ANKRD18A: variants seen among roughly 807,000 people sequenced by gnomAD.
ANKRD18A encodes ankyrin repeat domain 18A.
In ANKRD18A, 72 loss-of-function variants were observed where a neutral mutation model predicts 110.6. The ratio of observed to expected loss-of-function variants is 0.65; its 90% CI spans 0.54 to 0.79. The LOEUF (loss-of-function observed/expected upper bound fraction) is 0.79, where lower values mean the gene tolerates loss of function less well. ANKRD18A is among the 30% of genes least tolerant of loss of function. The pLI is 0.00. For missense variants in ANKRD18A, 934 were observed against 1,163.3 expected (o/e 0.80, Z 2.87); for synonymous variants, 305 against 410.3 (o/e 0.74, Z 3.10).
intron 12 of ANKRD18A, among the ~76,000 whole-genome samples, chr9:38,583,967 A>G (rs1824267971): frequency 6.6e-6 from 1 of 152,256 alleles, no homozygotes. Flanking sequence ...TGGACTTGCC[A>G]GCAGCAGACT....
chr9:38,617,255 C>A (rs1587550958), intron 1 of ANKRD18A, among the ~76,000 whole-genome samples: 1 of 152,152 alleles, frequency 6.6e-6, no homozygotes, highest in African/African-American at 2.4e-5. Flanking sequence ...GCCTGGCCAA[C>A]ATAGTGAAAC....
downstream of ANKRD18A, chr9:38,571,067 C>T: frequency 1.4e-6 from 2 of 1,451,216 alleles, no homozygotes; most frequent in South Asian, 2.8e-5. Context: ...GAGCCAGGGA[C>T]CACATGAGGA....
At chr9:38,582,444 T>C (rs1442575059) in intron 12 of ANKRD18A, among the ~76,000 whole-genome samples, 1 of 152,154 alleles carries the variant, frequency 6.6e-6, no homozygotes, top group African/African-American at 2.4e-5. Flanking sequence ...ACTGGTAATA[T>C]GCAACATGAT....
chr9:38,603,350 C>T, intron 6 of ANKRD18A, 138 bp from the exon 7 acceptor site: 2 of 1,224,344 alleles, frequency 1.6e-6, no homozygotes, highest in Non-Finnish European at 2.3e-6. Flanking sequence ...CACTCATCAC[C>T]ACAAATTTAA....
rs1288728145 is a variant in ANKRD18A, at chr9:38,607,441, G to A, written c.793C>T (p.Arg265Ter). The A allele has an allele frequency of 7.5e-5, 113 of 1,500,628 alleles. No individual in the cohort carries two copies. Among genetic ancestry groups the A allele is most frequent in the Non-Finnish European group, 8.9e-5 (100 of 1,120,904 alleles). 93.0% of individuals were successfully genotyped at this position (1,500,628 alleles called of 1,614,324 possible). Residue 265 changes from arginine (R) to a stop codon, truncating the protein, a stop_gained, in exon 6 of 16, where the codon CGA (arginine) becomes TGA (stop). Coordinates refer to ENST00000399703, the MANE Select transcript of ANKRD18A (RefSeq NM_147195.4). LOFTEE classifies it high-confidence loss of function. Reference sequence around the variant, plus strand: ...GAAGTCTTACCTTGATTGTCATTTCGAAGATGATTTTTAAGCATTTTATTT... The same window carrying A: ...GAAGTCTTACCTTGATTGTCATTTCAAAGATGATTTTTAAGCATTTTATTT... The part of the protein sequence containing the change: ...HKNKMLKNHL[R>*]NDNQETAAMK...
intron 3 of ANKRD18A, among the ~76,000 whole-genome samples, chr9:38,612,521 C>T (rs10973932): frequency 7.2e-4 from 89 of 124,280 alleles, no homozygotes; most frequent in Middle Eastern, 4.5e-3. Context: ...TTTTCTTTTT[C>T]TTTTTTTTTT....
At chr9:38,570,524 C>A (rs562393333), downstream of ANKRD18A, among the ~76,000 whole-genome samples, 1 of 152,364 alleles carries the variant, frequency 6.6e-6, no homozygotes, top group East Asian at 1.9e-4. Context: ...ATGACTAGGT[C>A]ACAAGATACC....
At chr9:38,616,079 T>G in intron 1 of ANKRD18A, 35 bp from the exon 2 acceptor site, 9 of 1,474,638 alleles carry the variant, frequency 6.1e-6, no homozygotes, top group African/African-American at 1.4e-5. Flanking sequence ...GGAAATGTAG[T>G]GCAATATCTC....
chr9:38,612,859 A>G (rs933495440), intron 3 of ANKRD18A, among the ~76,000 whole-genome samples: 12 of 151,964 alleles, frequency 7.9e-5, no homozygotes, highest in African/African-American at 2.9e-4. Context: ...AGAAAGATAT[A>G]ATGTCTGCAA....
chr9:38,589,180 C>A (rs940646004), intron 10 of ANKRD18A, among the ~76,000 whole-genome samples: 5 of 152,116 alleles, frequency 3.3e-5, no homozygotes, highest in African/African-American at 1.2e-4. Context: ...GTCTATTAAC[C>A]ATTTCTCTTT....
chr9:38,612,521 CTT>C (rs767816627), intron 3 of ANKRD18A, among the ~76,000 whole-genome samples: 6 of 124,242 alleles, frequency 4.8e-5, no homozygotes, highest in Admixed American at 3.4e-4. Flanking sequence ...TTTTCTTTTT[CTT>C]TTTTTTTTTT....
At chr9:38,610,655 A>C (rs1825576749) in intron 4 of ANKRD18A, among the ~76,000 whole-genome samples, 2 of 152,170 alleles carry the variant, frequency 1.3e-5, no homozygotes, top group South Asian at 4.1e-4. Flanking sequence ...GACGTAATAC[A>C]AATTGCTAAT....
At chr9:38,567,635 TG>T (rs769914724), downstream of ANKRD18A, 1 of 152,478 alleles carries the variant, frequency 6.6e-6, no homozygotes, top group Non-Finnish European at 1.5e-5. Context: ...TGTATGTGGA[TG>T]ATGTCCAGGA....
chr9:38,597,006 G>A (rs1401285124), intron 8 of ANKRD18A, among the ~76,000 whole-genome samples: 1 of 152,098 alleles, frequency 6.6e-6, no homozygotes, highest in Non-Finnish European at 1.5e-5. Context: ...AAAAAAGACA[G>A]GTTAAAAATA....
At chr9:38,569,795 T>G (rs1823574778), downstream of ANKRD18A, among the ~76,000 whole-genome samples, 1 of 152,022 alleles carries the variant, frequency 6.6e-6, no homozygotes, top group Non-Finnish European at 1.5e-5. Flanking sequence ...CCACAGGTGC[T>G]CCCCAATTTC....
downstream of ANKRD18A, chr9:38,569,100 G>C: frequency 1.0e-6 from 1 of 985,418 alleles, no homozygotes; most frequent in Non-Finnish European, 1.2e-6. Context: ...ACCCACCAAG[G>C]GGGGTCAGAT....
intron 10 of ANKRD18A, among the ~76,000 whole-genome samples, chr9:38,590,078 T>C (rs1824572933): frequency 6.6e-6 from 1 of 152,172 alleles, no homozygotes; most frequent in South Asian, 2.1e-4. Flanking sequence ...ACAGTGTTAT[T>C]TTCTAATCTT....
chr9:38,575,074 A>G (rs1204509412), intron 15 of ANKRD18A, among the ~76,000 whole-genome samples: 1 of 147,896 alleles, frequency 6.8e-6, no homozygotes, highest in African/African-American at 2.6e-5. Flanking sequence ...AGCCTAGGCA[A>G]CAGAGCAAGA....
intron 3 of ANKRD18A, 65 bp from the exon 4 acceptor site, chr9:38,611,386 C>A (rs1180426141): frequency 3.3e-6 from 5 of 1,498,676 alleles, no homozygotes; most frequent in Middle Eastern, 1.7e-4. Context: ...AACTAAAAAT[C>A]TTCTATAAGA....
Sources: gnomAD v4.1 joint callset for allele counts (sites outside exome capture counted in the v4.1 genomes callset) on GRCh38, gnomAD v4.1.1 for gene constraint, MANE v1.5 for transcripts, NCBI Gene and HGNC (gene_info 2026-07-23, HGNC 2026-07-21) for gene names.